CTNNA3: variants seen among roughly 807,000 people sequenced by gnomAD.
CTNNA3 encodes catenin alpha-3.
A neutral mutation model predicts 95.7 loss-of-function variants in CTNNA3; 76 were observed. That is an observed-to-expected ratio of 0.79 (90% confidence interval 0.66 to 0.96). CTNNA3 has a LOEUF of 0.96. Ranked by LOEUF, CTNNA3 falls within the 40% of genes least tolerant of loss-of-function variation. CTNNA3 has a pLI of 0.00. For missense variants in CTNNA3, 1,191 were observed against 1,089.8 expected (o/e 1.09, Z -1.31); for synonymous variants, 431 against 374.4 (o/e 1.15, Z -1.74).
At chr10:67,136,744 G>C (rs920176484) in intron 7 of CTNNA3, among the ~76,000 whole-genome samples, 2 of 152,124 alleles carry the variant, frequency 1.3e-5, no homozygotes, top group Admixed American at 6.5e-5. Context: ...AAAGAAACTT[G>C]AATCTATGAA....
At chr10:66,281,544 C>A (rs1423103866) in intron 12 of CTNNA3, among the ~76,000 whole-genome samples, 1 of 151,790 alleles carries the variant, frequency 6.6e-6, no homozygotes. Flanking sequence ...GTTTTTGGGA[C>A]TTTACACTTT....
chr10:66,129,403 G>GAGAAGTGGTAGGATC (rs2082981352), intron 13 of CTNNA3, among the ~76,000 whole-genome samples: 1 of 152,222 alleles, frequency 6.6e-6, no homozygotes, highest in Non-Finnish European at 1.5e-5. Flanking sequence ...AAGCTGCTTA[G>GAGAAGTGGTAGGATC]AGAAGTGGTA....
At chr10:65,929,432 C>G (rs1013973681) in intron 17 of CTNNA3, among the ~76,000 whole-genome samples, 3 of 152,132 alleles carry the variant, frequency 2.0e-5, no homozygotes, top group Admixed American at 6.5e-5. Flanking sequence ...ATATCTTGGG[C>G]TCAGTTTCCT....
intron 11 of CTNNA3, among the ~76,000 whole-genome samples, chr10:66,486,501 TAC>T (rs370315545): frequency 4.3e-4 from 66 of 152,198 alleles, no homozygotes; most frequent in African/African-American, 1.6e-3. Flanking sequence ...GATATTACCT[TAC>T]ACCTATTAGG....
chr10:66,980,510 T>C (rs1850360212), intron 7 of CTNNA3, among the ~76,000 whole-genome samples: 1 of 127,052 alleles, frequency 7.9e-6, no homozygotes, highest in Admixed American at 7.9e-5. Context: ...ACCTTCCTTC[T>C]GTTTCCCAAG....
At chr10:67,760,581 A>G (rs1207871861) in intron 1 of CTNNA3, among the ~76,000 whole-genome samples, 1 of 152,094 alleles carries the variant, frequency 6.6e-6, no homozygotes, top group Non-Finnish European at 1.5e-5. Context: ...GGTGTCCCCA[A>G]CTGGTACCGG....
intron 1 of CTNNA3, among the ~76,000 whole-genome samples, chr10:67,662,455 C>A (rs1352187048): frequency 6.6e-6 from 1 of 152,076 alleles, no homozygotes; most frequent in East Asian, 1.9e-4. Flanking sequence ...AGAAACAACT[C>A]AAATTTTCAT....
chr10:66,503,967 T>G (rs1361440773), intron 11 of CTNNA3, among the ~76,000 whole-genome samples: 3 of 152,172 alleles, frequency 2.0e-5, no homozygotes, highest in Non-Finnish European at 4.4e-5. Flanking sequence ...GTGTACAACA[T>G]GATGTTTTGA....
intron 1 of CTNNA3, among the ~76,000 whole-genome samples, chr10:67,686,414 C>G (rs1199618945): frequency 6.6e-6 from 1 of 152,192 alleles, no homozygotes; most frequent in Non-Finnish European, 1.5e-5. Context: ...TAAGTCTGGA[C>G]TATAACCTGT....
At chr10:67,110,249 G>T (rs565948452) in intron 7 of CTNNA3, among the ~76,000 whole-genome samples, 109 of 152,144 alleles carry the variant, frequency 7.2e-4, no homozygotes, top group African/African-American at 2.6e-3. Flanking sequence ...TCTATAATTT[G>T]TTAGTGACTA....
chr10:67,754,855 T>C (rs943298965), intron 1 of CTNNA3, among the ~76,000 whole-genome samples: 4 of 151,930 alleles, frequency 2.6e-5, no homozygotes, highest in Admixed American at 1.3e-4. Context: ...AAAATGACAA[T>C]AATCTGATCA....
intron 5 of CTNNA3, among the ~76,000 whole-genome samples, chr10:67,397,695 T>C (rs1844760234): frequency 6.6e-6 from 1 of 152,128 alleles, no homozygotes; most frequent in Non-Finnish European, 1.5e-5. Flanking sequence ...GCCCCTCCCA[T>C]TACAGGCATA....
intron 12 of CTNNA3, among the ~76,000 whole-genome samples, chr10:66,286,942 T>C (rs1384687433): frequency 1.3e-5 from 2 of 152,102 alleles, no homozygotes; most frequent in Non-Finnish European, 2.9e-5. Context: ...TTTTTATTGA[T>C]ACATAATAGA....
chr10:67,267,213 A>G (rs1024729776), intron 5 of CTNNA3, among the ~76,000 whole-genome samples: 1 of 152,244 alleles, frequency 6.6e-6, no homozygotes, highest in Non-Finnish European at 1.5e-5. Flanking sequence ...GCCATTTTAC[A>G]CTATGTGATT....
chr10:67,116,718 G>GAA (rs1458111403), intron 7 of CTNNA3, among the ~76,000 whole-genome samples: 26 of 90,458 alleles, frequency 2.9e-4, no homozygotes, highest in African/African-American at 1.5e-3. Flanking sequence ...AGTCAGTTTT[G>GAA]AAAATATATA....
intron 9 of CTNNA3, among the ~76,000 whole-genome samples, chr10:66,663,919 T>C (rs1044186713): frequency 6.6e-6 from 1 of 152,130 alleles, no homozygotes; most frequent in African/African-American, 2.4e-5. Context: ...TTTTTTCTAG[T>C]TGGACAAAGA....
chr10:66,604,155 T>C (rs769666025), intron 10 of CTNNA3, among the ~76,000 whole-genome samples: 3 of 151,984 alleles, frequency 2.0e-5, no homozygotes, highest in African/African-American at 7.2e-5. Flanking sequence ...ACCTACAGAA[T>C]GGCAGAAAAT....
intron 1 of CTNNA3, among the ~76,000 whole-genome samples, chr10:67,763,273 T>TA (rs11311944): frequency 0.043 from 6,371 of 148,816 alleles, 205 homozygotes; most frequent in African/African-American, 0.093. Context: ...TGCCAAAATT[T>TA]AAAAAAAAAA....
intron 7 of CTNNA3, among the ~76,000 whole-genome samples, chr10:66,989,797 G>T (rs1253268924): frequency 6.6e-6 from 1 of 152,052 alleles, no homozygotes; most frequent in Non-Finnish European, 1.5e-5. Context: ...GCTGGTCTGA[G>T]CTCATCCAGG....
Sources: allele counts gnomAD v4.1 joint callset (sites outside exome capture counted in the v4.1 genomes callset), GRCh38; gene constraint gnomAD v4.1.1; transcripts MANE v1.5; gene names NCBI Gene and HGNC (gene_info 2026-07-23, HGNC 2026-07-21).